Variants in UQCC1 observed in about 807,000 individuals in gnomAD.
UQCC1 encodes the protein bFGF-repressed Zic-binding protein.
UQCC1 carries 38 observed loss-of-function variants against 48.0 expected under a neutral mutation model. That is an observed-to-expected ratio of 0.79 (90% CI 0.61 to 1.04). UQCC1 has a LOEUF of 1.04. Among genes scored for constraint, UQCC1 ranks in the 50% least tolerant of loss-of-function variants. The pLI is 0.00. For missense variants in UQCC1, 368 were observed against 381.8 expected (o/e 0.96, Z 0.30); for synonymous variants, 111 against 129.2 (o/e 0.86, Z 0.95).
intron 6 of UQCC1, among the ~76,000 whole-genome samples, chr20:35,348,412 C>T (rs983095333): frequency 5.3e-5 from 8 of 150,998 alleles, no homozygotes; most frequent in South Asian, 4.1e-4. Context: ...TTTTTTGAGA[C>T]GGAGTCTCGC....
intron 1 of UQCC1, among the ~76,000 whole-genome samples, chr20:35,410,720 A>AAAAAC (rs1218646490): frequency 2.4e-5 from 3 of 125,778 alleles, no homozygotes; most frequent in Non-Finnish European, 4.9e-5. Flanking sequence ...AAAAAAAAAA[A>AAAAAC]AAAACAAAAC....
At chr20:35,310,459 G>A (rs149229526) in intron 8 of UQCC1, among the ~76,000 whole-genome samples, 1,764 of 151,680 alleles carry the variant, frequency 0.012, 38 homozygotes, top group African/African-American at 0.039. Flanking sequence ...CCTGGGCAAC[G>A]TGGTGAAACC....
Position 35,304,111 on chromosome 20 carries a change from G to C in UQCC1, c.766-42C>G, listed in dbSNP as rs554468625. ...GGGAAGGAGGAAGCGACAGAGGCAG[G>C]GCAGAGGTGAGGAGCCAGCGTCAGG... On this transcript the variant is annotated intron_variant, in intron 9 of 9. Transcript: ENST00000374385. The C allele has an allele frequency of 1.2e-5, 19 of 1,612,464 alleles. No individual in the cohort carries two copies. The South Asian group carries it at 1.8e-4, about 15-fold the overall frequency.
intron 8 of UQCC1, among the ~76,000 whole-genome samples, chr20:35,312,548 A>G (rs2061006134): frequency 6.6e-6 from 1 of 152,356 alleles, no homozygotes; most frequent in East Asian, 1.9e-4. Context: ...AAGCACTGTG[A>G]GAGTGCAGGG....
At chr20:35,359,402 C>A (rs1568680817) in intron 6 of UQCC1, among the ~76,000 whole-genome samples, 1 of 152,168 alleles carries the variant, frequency 6.6e-6, no homozygotes, top group Non-Finnish European at 1.5e-5. Flanking sequence ...TAAGACAAAT[C>A]GGAAGGCAAC....
intron 8 of UQCC1, among the ~76,000 whole-genome samples, chr20:35,311,433 G>A (rs1258763139): frequency 1.3e-5 from 2 of 152,202 alleles, no homozygotes; most frequent in East Asian, 3.8e-4. Flanking sequence ...CAAGATGGTA[G>A]TCACATATAG....
chr20:35,381,955 G>A lies in UQCC1; in HGVS notation c.296C>T (p.Ala99Val). The A allele has an allele frequency of 1.2e-6, 2 of 1,612,362 alleles. No individual in the cohort carries two copies. Among genetic ancestry groups the A allele is most frequent in the Non-Finnish European group, 1.7e-6 (2 of 1,179,004 alleles). Residue 99 changes from alanine (A) to valine (V), a missense_variant, in exon 4 of 10, where the codon GCC (alanine) becomes GTC (valine). Coordinates refer to ENST00000374385, the MANE Select transcript of UQCC1 (RefSeq NM_018244.5). ...KVGAFTKIIEAMGFTGPLKYS... is the reference protein window; with the variant it reads ...KVGAFTKIIEVMGFTGPLKYS... Reference sequence around the variant, plus strand: ...TTTCAAAGGTCCCGTGAATCCCATGGCTTCTATTATCTTTGTGAAAGCACC... The same window carrying A: ...TTTCAAAGGTCCCGTGAATCCCATGACTTCTATTATCTTTGTGAAAGCACC...
rs79069732 is a variant in UQCC1, at chr20:35,406,188, C to A, written c.24+5752G>T. On this transcript the variant is annotated intron_variant, in intron 1 of 9. Coordinates refer to ENST00000374385, the MANE Select transcript of UQCC1 (RefSeq NM_018244.5). ...GAGTCTCAGAAGGAAAGAAAAGGACCGAAAAATATTTGAAGAAATAATGGC... is the reference window on the plus strand; with the variant it reads ...GAGTCTCAGAAGGAAAGAAAAGGACAGAAAAATATTTGAAGAAATAATGGC... Among the ~76,000 whole-genome samples, 1,037 of 152,032 alleles carry A rather than the reference C, an allele frequency of 6.8e-3. 15 individuals carry two copies. The highest frequency in any genetic ancestry group is 0.024 in the African/African-American group (992 of 41,486).
intron 6 of UQCC1, among the ~76,000 whole-genome samples, chr20:35,359,961 T>G (rs1371428501): frequency 6.6e-6 from 1 of 152,156 alleles, no homozygotes; most frequent in Non-Finnish European, 1.5e-5. Context: ...GGACAGCCTG[T>G]GGGCAAACAG....
intron 6 of UQCC1, among the ~76,000 whole-genome samples, chr20:35,365,002 C>T (rs956796926): frequency 1.2e-4 from 19 of 152,142 alleles, no homozygotes; most frequent in Non-Finnish European, 2.5e-4. Context: ...TCCTCCTCTC[C>T]TAAAAAAGCA....
chr20:35,410,531 CAAA>C (rs113085116), intron 1 of UQCC1, among the ~76,000 whole-genome samples: 2 of 119,624 alleles, frequency 1.7e-5, no homozygotes, highest in African/African-American at 3.1e-5. Flanking sequence ...GACTCCATCT[CAAA>C]AAAAAAAAAA....
rs1281974183 is a variant in UQCC1, at chr20:35,317,579, A to G, written c.574-2814T>C. On this transcript the variant is annotated intron_variant, in intron 7 of 9. Transcript: ENST00000374385. The stretch of plus-strand genomic sequence containing the variant: ...TTGGTGTTCTCACAGCTCTCTGGGC[A>G]TATTTTCTGCCTGGGTACACACGTG... Among the ~76,000 whole-genome samples, 11 of 152,306 alleles carry G rather than the reference A, an allele frequency of 7.2e-5. No individual in the cohort carries two copies. In the South Asian group the frequency reaches 1.9e-3, roughly 26 times the overall value.
intron 2 of UQCC1, among the ~76,000 whole-genome samples, chr20:35,387,724 C>A (rs1477191933): frequency 6.6e-6 from 1 of 151,968 alleles, no homozygotes; most frequent in Non-Finnish European, 1.5e-5. Flanking sequence ...TCTGGTCCAA[C>A]CTTTTCACTT....
chr20:35,363,976 A>T (rs2061636953), intron 6 of UQCC1, among the ~76,000 whole-genome samples: 1 of 152,106 alleles, frequency 6.6e-6, no homozygotes, highest in African/African-American at 2.4e-5. Context: ...GCACGATTCC[A>T]TTAGAAGAAA....
chr20:35,400,760 G>T (rs2062152782), intron 1 of UQCC1, among the ~76,000 whole-genome samples: 1 of 152,162 alleles, frequency 6.6e-6, no homozygotes, highest in South Asian at 2.1e-4. Flanking sequence ...CTCCCAAAGT[G>T]CTGGGATTAC....
chr20:35,362,817 A>G (rs2061621584), intron 6 of UQCC1, among the ~76,000 whole-genome samples: 1 of 152,164 alleles, frequency 6.6e-6, no homozygotes, highest in Non-Finnish European at 1.5e-5. Flanking sequence ...CTTTTCAAGT[A>G]CTGTTGGTTG....
chr20:35,372,578 T>C (rs1442440558), intron 5 of UQCC1, among the ~76,000 whole-genome samples: 1 of 152,042 alleles, frequency 6.6e-6, no homozygotes, highest in African/African-American at 2.4e-5. Flanking sequence ...AAAACCAAAA[T>C]AGGCCAGGTC....
intron 3 of UQCC1, among the ~76,000 whole-genome samples, chr20:35,383,136 A>C (rs2061897084): frequency 6.6e-6 from 1 of 152,230 alleles, no homozygotes; most frequent in East Asian, 1.9e-4. Context: ...TCAAGCACTG[A>C]ATGTTTTTAA....
intron 1 of UQCC1, among the ~76,000 whole-genome samples, chr20:35,398,174 C>T (rs1247924588): frequency 2.0e-5 from 3 of 152,146 alleles, no homozygotes; most frequent in Admixed American, 6.6e-5. Context: ...TGCAAGGTAC[C>T]TTCTAGCTCT....
Sources: allele counts gnomAD v4.1 joint callset (sites outside exome capture counted in the v4.1 genomes callset), GRCh38; gene constraint gnomAD v4.1.1; transcripts MANE v1.5; gene names NCBI Gene and HGNC (gene_info 2026-07-23, HGNC 2026-07-21).